CASZ1: variants seen among roughly 807,000 people sequenced by gnomAD.
The protein encoded by CASZ1 is castor zinc finger 1, also known as zinc finger protein castor homolog 1.
CASZ1 carries 28 observed loss-of-function variants against 135.2 expected under a neutral mutation model. That is an observed-to-expected ratio of 0.21 (90% CI 0.15 to 0.28). CASZ1 has a LOEUF of 0.28. Among genes scored for constraint, CASZ1 ranks in the 10% least tolerant of loss-of-function variants. CASZ1 has a pLI of 1.00. For missense variants in CASZ1, 2,161 were observed against 2,453.3 expected, an observed-to-expected ratio of 0.88 and a Z score of 2.52; for synonymous variants, 1,068 against 1,073.4, an observed-to-expected ratio of 0.99 and a Z score of 0.10.
intron 4 of CASZ1, among the ~76,000 whole-genome samples, chr1:10,693,231 G>A (rs564207885): frequency 1.3e-5 from 2 of 151,982 alleles, no homozygotes; most frequent in African/African-American, 2.4e-5. Context: ...GAGACAGTCC[G>A]GGGCCCCTCA....
intron 2 of CASZ1, among the ~76,000 whole-genome samples, chr1:10,714,439 G>C (rs1639342304): frequency 6.6e-6 from 1 of 152,250 alleles, no homozygotes; most frequent in Non-Finnish European, 1.5e-5. Flanking sequence ...CAGTGGCTCT[G>C]CTGAGCCTCC....
At position 10,646,163 on chromosome 1, in the gene CASZ1, C is replaced by G; in HGVS notation, c.3661G>C (p.Ala1221Pro). 6.2e-7 allele frequency: 1 copy of G among 1,614,180 alleles called. No individual in the cohort carries two copies. The highest frequency in any genetic ancestry group is 8.5e-7 in the Non-Finnish European group (1 of 1,180,030). ...CAGAGACACTGCAGAGAGTAGTATG[C>G]AAACTGGTCTCGCACGTTCACCAGG... ...NNLVNVRDQF[A>P]YYSLQCLCPN... The change falls in exon 17 of 21, where the codon GCA (alanine) becomes CCA (proline). Residue 1221 changes from alanine to proline, a missense_variant. Ala to Pro is a conservative substitution (Grantham distance 27). Coordinates refer to ENST00000377022, the MANE Select transcript of CASZ1 (RefSeq NM_001079843.3). This position sits in a 1 kb window ranked among gnomAD's most constrained non-coding sequence, Gnocchi z 6.4.
chr1:10,691,784 G>T (rs188939625), intron 4 of CASZ1, among the ~76,000 whole-genome samples: 6 of 152,200 alleles, frequency 3.9e-5, no homozygotes, highest in Admixed American at 1.3e-4. Flanking sequence ...TGGTGAAGTG[G>T]GGGGAAGACT....
intron 1 of CASZ1, among the ~76,000 whole-genome samples, chr1:10,790,240 A>G (rs896189621): frequency 1.1e-4 from 17 of 152,252 alleles, no homozygotes; most frequent in Non-Finnish European, 1.5e-5. Context: ...GGTGCTGGCA[A>G]TGATGCTTCC....
chr1:10,665,611 A>C (rs751620240), intron 4 of CASZ1, 40 bp from the exon 5 acceptor site: 2 of 1,498,492 alleles, frequency 1.3e-6, no homozygotes, highest in African/African-American at 2.8e-5. Context: ...AGAGGCGTGC[A>C]AGGCCAAGAA....
chr1:10,678,965 C>T (rs1252083323), intron 4 of CASZ1, among the ~76,000 whole-genome samples: 2 of 152,306 alleles, frequency 1.3e-5, no homozygotes, highest in East Asian at 3.9e-4. Context: ...CCAGCCTGGG[C>T]CCCTGGCAGG....
Position 10,707,505 on chromosome 1 carries a change from G to C in CASZ1, c.-76-1961C>G, listed in dbSNP as rs1410611498. ...GATCTGATCACACAGAACAATCAGG[G>C]AGGAAACTTTCCAGGAGTTGGTCGG... On this transcript the variant is annotated intron_variant, in intron 2 of 20. Transcript: ENST00000377022. The surrounding 1 kb of genome is among the most constrained non-coding windows in gnomAD (Gnocchi z 5.0). Among the ~76,000 whole-genome samples the C allele has an allele frequency of 6.6e-6, 1 of 152,128 alleles. No individual in the cohort carries two copies. Among genetic ancestry groups the C allele is most frequent in the Non-Finnish European group, 1.5e-5 (1 of 68,028 alleles).
At chr1:10,740,176 C>A (rs550451181) in intron 2 of CASZ1, among the ~76,000 whole-genome samples, 4 of 152,210 alleles carry the variant, frequency 2.6e-5, no homozygotes, top group Non-Finnish European at 5.9e-5. Context: ...AAGAGTGAGG[C>A]TCAGAGAGGC....
At chr1:10,716,728 G>A (rs1318687574) in intron 2 of CASZ1, among the ~76,000 whole-genome samples, 1 of 152,206 alleles carries the variant, frequency 6.6e-6, no homozygotes. Context: ...CTGCCCAGTG[G>A]CAGGTAGCAC....
chr1:10,650,665 G>A (rs374060816), intron 13 of CASZ1, 27 bp downstream of exon 13: 27 of 1,592,140 alleles, frequency 1.7e-5, no homozygotes, highest in Non-Finnish European at 2.2e-5. Flanking sequence ...GTGGGGGAAC[G>A]GGAGGCGTGT....
rs1642711908 is a variant in CASZ1, at chr1:10,654,277, C to A, written c.1839-59G>T. ...CAGAGGAGGCCCCACCCTGCTACAC[C>A]ATGGCCCTGGGAGGGACAGTCCCCC... is the stretch of plus-strand genomic sequence containing the variant. On this transcript the variant is annotated intron_variant, in intron 10 of 20. Transcript: ENST00000377022. 2.5e-6 allele frequency: 4 copies of A among 1,593,836 alleles called. No individual in the cohort carries two copies. The East Asian group carries it at 8.9e-5, about 36-fold the overall frequency.
At chr1:10,665,716 G>A in intron 4 of CASZ1, 145 bp from the exon 5 acceptor site, 1 of 870,644 alleles carries the variant, frequency 1.1e-6, no homozygotes, top group South Asian at 1.8e-5. Flanking sequence ...TGCCTGGCAT[G>A]TGTCTATCTC....
At chr1:10,760,208 C>T (rs1349956898) in intron 2 of CASZ1, among the ~76,000 whole-genome samples, 1 of 152,078 alleles carries the variant, frequency 6.6e-6, no homozygotes, top group Non-Finnish European at 1.5e-5. Flanking sequence ...CAGCTCCTAC[C>T]ACATATGAGC....
chr1:10,775,959 T>G (rs1343260602), intron 1 of CASZ1, among the ~76,000 whole-genome samples: 1 of 152,196 alleles, frequency 6.6e-6, no homozygotes, highest in African/African-American at 2.4e-5. Context: ...CTGTCTGCTT[T>G]CTGCCCTGAG....
At chr1:10,710,452 T>C (rs1042194355) in intron 2 of CASZ1, among the ~76,000 whole-genome samples, 3 of 152,184 alleles carry the variant, frequency 2.0e-5, no homozygotes, top group Non-Finnish European at 2.9e-5. Flanking sequence ...GCAGGACCCC[T>C]AGTCTCCCCA....
chr1:10,726,559 G>A lies in CASZ1; in HGVS notation c.-76-21015C>T, dbSNP rs1053907281. On this transcript the variant is annotated intron_variant, in intron 2 of 20. Coordinates refer to ENST00000377022, the MANE Select transcript of CASZ1 (RefSeq NM_001079843.3). This position sits in a 1 kb window ranked among gnomAD's most constrained non-coding sequence, Gnocchi z 5.7. ...CAAGCTGAAGGCTGCATGCCAATCC[G>A]GCCAGAGGAAACACCGGGCACGGGG... 6.6e-6 allele frequency among the ~76,000 whole-genome samples: 1 copy of A among 152,304 alleles called. No individual in the cohort carries two copies.
rs1643189904 is a variant in CASZ1 at position 10,665,229 on chromosome 1, C to T, written c.359G>A (p.Gly120Asp). Residue 120 changes from glycine to aspartate, a missense_variant, in exon 5 of 21, where the codon GGT becomes GAT. Transcript: ENST00000377022. The part of the protein sequence containing the change: ...AREGLELPPE[G>D]VYMVQPQGCS... ...CCCCTGGGGCTGCACCATGTAGACA[C>T]CCTCGGGAGGCAGCTCCAGGCCCTC... 6.3e-7 allele frequency: 1 copy of T among 1,598,342 alleles called. No homozygotes were observed. Among genetic ancestry groups the T allele is most frequent in the South Asian group, 1.1e-5 (1 of 88,608 alleles).
intron 1 of CASZ1, among the ~76,000 whole-genome samples, chr1:10,782,916 G>A (rs1640788086): frequency 6.6e-6 from 1 of 152,190 alleles, no homozygotes; most frequent in African/African-American, 2.4e-5. Context: ...GGATGAGGGA[G>A]TGTGTGTTGG....
At position 10,638,004 on chromosome 1, in the gene CASZ1, T is replaced by C. The variant is rs1485420379; in HGVS notation, c.*938A>G. The C allele has an allele frequency of 6.6e-6, 1 of 152,394 alleles. No homozygotes were observed. The highest frequency in any genetic ancestry group is 1.5e-5 in the Non-Finnish European group (1 of 68,026). The allele number at this position is 152,394 out of a possible 1,614,324, so 9.4% of individuals were successfully genotyped here. ...GTGAAGACAGACAGCCTCAAACAGT[T>C]AAGGCCTCTACAAAAACCCTGGACC... On this transcript the variant is annotated 3_prime_UTR_variant, in exon 21 of 21. Transcript: ENST00000377022. This position sits in a 1 kb window ranked among gnomAD's most constrained non-coding sequence, Gnocchi z 5.9.
Sources: gnomAD v4.1 joint callset for allele counts (sites outside exome capture counted in the v4.1 genomes callset) on GRCh38, gnomAD v4.1.1 for gene constraint, Gnocchi (gnomAD v3.1) non-coding constraint, MANE v1.5 for transcripts, NCBI Gene and HGNC (gene_info 2026-07-23, HGNC 2026-07-21) for gene names.